Variants in CLIP1 observed in about 807,000 individuals in gnomAD.
CLIP1 encodes CAP-Gly domain-containing linker protein 1.
A neutral mutation model predicts 161.6 loss-of-function variants in CLIP1; 66 were observed. The observed-to-expected ratio is 0.41, with a 90% CI of 0.33 to 0.50. The LOEUF (loss-of-function observed/expected upper bound fraction) is 0.50. CLIP1 is among the 20% of genes least tolerant of loss of function. The pLI, the probability that CLIP1 is intolerant of heterozygous loss-of-function variation, is 0.27. For missense variants in CLIP1, 1,376 were observed against 1,702.0 expected (o/e 0.81, Z 3.37); for synonymous variants, 598 against 626.2 (o/e 0.96, Z 0.67).
chr12:122,361,222 T>C (rs780325568), intron 4 of CLIP1, 41 bp from the exon 5 acceptor site: 1 of 1,489,586 alleles, frequency 6.7e-7, no homozygotes. Flanking sequence ...AACAACTTAA[T>C]CACAAGAAAT....
At chr12:122,351,822 G>T (rs1284609869) in intron 8 of CLIP1, among the ~76,000 whole-genome samples, 1 of 148,314 alleles carries the variant, frequency 6.7e-6, no homozygotes, top group East Asian at 2.0e-4. Context: ...AAACTAATAT[G>T]AATAAATTGT....
intron 20 of CLIP1, among the ~76,000 whole-genome samples, chr12:122,301,782 G>A (rs1950689892): frequency 2.0e-5 from 3 of 152,172 alleles, no homozygotes; most frequent in African/African-American, 7.2e-5. Flanking sequence ...CCTTGTGTCC[G>A]CTTCTCTTTT....
chr12:122,294,080 G>A (rs1415672988), intron 20 of CLIP1, among the ~76,000 whole-genome samples: 2 of 151,786 alleles, frequency 1.3e-5, no homozygotes, highest in African/African-American at 2.4e-5. Flanking sequence ...TGTAATCCCA[G>A]CACTTTGGGA....
intron 14 of CLIP1, among the ~76,000 whole-genome samples, chr12:122,333,563 G>A (rs763654116): frequency 2.0e-5 from 3 of 152,202 alleles, no homozygotes; most frequent in Admixed American, 1.3e-4. Flanking sequence ...GATGAAATCC[G>A]AGAGATAATA....
chr12:122,302,166 TCTCAGCTCACCGCAAC>T (rs1255187078), intron 20 of CLIP1, among the ~76,000 whole-genome samples: 1 of 152,184 alleles, frequency 6.6e-6, no homozygotes, highest in Non-Finnish European at 1.5e-5. Context: ...AATGGCGCTA[TCTCAGCTCACCGCAAC>T]CTCTGCCTCC....
intron 20 of CLIP1, among the ~76,000 whole-genome samples, chr12:122,294,344 C>CCA (rs1555257841): frequency 4.6e-5 from 5 of 109,666 alleles, no homozygotes; most frequent in Admixed American, 9.4e-5. Flanking sequence ...AAAAAAAAAA[C>CCA]AAAAAAAAAA....
At chr12:122,418,668 A>C (rs1956834297) in intron 1 of CLIP1, among the ~76,000 whole-genome samples, 1 of 152,162 alleles carries the variant, frequency 6.6e-6, no homozygotes, top group Non-Finnish European at 1.5e-5. Flanking sequence ...CTGAAGTGGG[A>C]GGACTGCTTG....
intron 24 of CLIP1, chr12:122,274,933 C>T (rs1433229740): frequency 2.0e-5 from 3 of 152,184 alleles, no homozygotes; most frequent in Admixed American, 2.0e-4. Flanking sequence ...CTCACTGCGA[C>T]CTCTGCCTCC....
At chr12:122,381,834 T>C (rs1955025024) in intron 1 of CLIP1, among the ~76,000 whole-genome samples, 1 of 152,176 alleles carries the variant, frequency 6.6e-6, no homozygotes, top group African/African-American at 2.4e-5. Context: ...AGTGATCTTA[T>C]TTGGAAAAAG....
At chr12:122,420,994 T>C (rs1464195942) in intron 1 of CLIP1, among the ~76,000 whole-genome samples, 1 of 150,776 alleles carries the variant, frequency 6.6e-6, no homozygotes, top group Non-Finnish European at 1.5e-5. Context: ...CCTTGCTTTT[T>C]GCCACAGATT....
chr12:122,355,320 G>C lies in CLIP1; in HGVS notation c.1006-8C>G. 6.2e-7 allele frequency: 1 copy of C among 1,611,728 alleles called. No homozygotes were observed. Among genetic ancestry groups the C allele is most frequent in the Non-Finnish European group, 8.5e-7 (1 of 1,178,196 alleles). On this transcript the variant is annotated splice_polypyrimidine_tract_variant and splice_region_variant and intron_variant, in intron 5 of 25. Coordinates refer to ENST00000620786, the MANE Select transcript of CLIP1 (RefSeq NM_001247997.2). This position sits in a 1 kb window ranked among gnomAD's most constrained non-coding sequence, Gnocchi z 4.1. ...GGAGGAGGTTTCAGTCAACTGTAAA[G>C]GAAAGTTAGAGAAATGAAGGGCGAT...
intron 1 of CLIP1, among the ~76,000 whole-genome samples, chr12:122,393,021 A>AGG (rs1447644616): frequency 1.3e-5 from 2 of 152,134 alleles, no homozygotes; most frequent in Non-Finnish European, 2.9e-5. Flanking sequence ...ACCTCAAGTG[A>AGG]TCCACCCACC....
intron 3 of CLIP1, among the ~76,000 whole-genome samples, chr12:122,373,087 C>T (rs1334246859): frequency 6.6e-6 from 1 of 152,156 alleles, no homozygotes; most frequent in African/African-American, 2.4e-5. Flanking sequence ...GCAAACACCA[C>T]TGGTTCCCCA....
intron 3 of CLIP1, among the ~76,000 whole-genome samples, chr12:122,368,430 T>C (rs1189021304): frequency 6.6e-6 from 1 of 152,128 alleles, no homozygotes; most frequent in Non-Finnish European, 1.5e-5. Flanking sequence ...AATGAGTGGG[T>C]GTCTACAAAC....
At chr12:122,363,700 G>C (rs1953991081) in intron 4 of CLIP1, among the ~76,000 whole-genome samples, 1 of 151,946 alleles carries the variant, frequency 6.6e-6, no homozygotes, top group African/African-American at 2.4e-5. Flanking sequence ...TATCAAAAGG[G>C]AGAGAAGCCA....
At chr12:122,421,164 TC>T (rs1956927220) in intron 1 of CLIP1, among the ~76,000 whole-genome samples, 1 of 151,100 alleles carries the variant, frequency 6.6e-6, no homozygotes, top group African/African-American at 2.4e-5. Context: ...GACAGCACGC[TC>T]ACTGGGTTAG....
In CLIP1 at chr12:122,332,986, CCTTT is replaced by C; in HGVS notation, c.2864_2867del (p.Arg956MetfsTer2). On this transcript the variant is annotated frameshift_variant and splice_region_variant, in exon 15 of 26. Coordinates refer to ENST00000620786, the MANE Select transcript of CLIP1 (RefSeq NM_001247997.2). LOFTEE classifies it high-confidence loss of function. ...GCACTCTTTTCAACAGTCACATATA[CCTTT>C]CTTTCAGACGTAATTCATCGTTCAT... 6.2e-7 allele frequency: 1 copy of C among 1,612,636 alleles called. No homozygotes were observed.
intron 20 of CLIP1, among the ~76,000 whole-genome samples, chr12:122,307,139 G>A (rs1190059393): frequency 2.0e-5 from 3 of 150,498 alleles, no homozygotes; most frequent in Admixed American, 6.7e-5. Context: ...ATCCCGAGTA[G>A]CTGGGATTAC....
intron 3 of CLIP1, chr12:122,365,251 A>T: frequency 3.6e-6 from 2 of 548,416 alleles, no homozygotes; most frequent in South Asian, 2.8e-5. Flanking sequence ...TAAAATAAAA[A>T]TAAAAAAAAG....
Sources: gnomAD v4.1 joint callset for allele counts (sites outside exome capture counted in the v4.1 genomes callset) on GRCh38, gnomAD v4.1.1 for gene constraint, Gnocchi (gnomAD v3.1) non-coding constraint, MANE v1.5 for transcripts, NCBI Gene and HGNC (gene_info 2026-07-23, HGNC 2026-07-21) for gene names.